HDAC9: variants seen among roughly 807,000 people sequenced by gnomAD.
HDAC9 encodes histone deacetylase 9.
In HDAC9, 41 loss-of-function variants were observed where a neutral mutation model predicts 139.4. That is an observed-to-expected ratio of 0.29 (90% CI 0.23 to 0.38). The LOEUF (loss-of-function observed/expected upper bound fraction) is 0.38, where lower values mean the gene tolerates loss of function less well. Ranked by LOEUF, HDAC9 falls within the 10% of genes least tolerant of loss-of-function variation. HDAC9 has a pLI of 1.00. For synonymous variants in HDAC9, 517 were observed against 476.2 expected (o/e 1.09, Z -1.12); for missense variants, 1,147 against 1,297.0 (o/e 0.88, Z 1.78).
intron 2 of HDAC9, among the ~76,000 whole-genome samples, chr7:18,236,753 G>T (rs938844607): frequency 1.3e-5 from 2 of 152,228 alleles, no homozygotes; most frequent in African/African-American, 4.8e-5. Flanking sequence ...CTGTGGGGGT[G>T]GGGGCGACAA....
chr7:18,242,430 A>G (rs780206837), intron 2 of HDAC9, among the ~76,000 whole-genome samples: 12 of 152,232 alleles, frequency 7.9e-5, no homozygotes, highest in African/African-American at 2.9e-4. Context: ...AAAGCTAGGC[A>G]TATAGAGTTG....
chr7:18,148,364 G>A (rs1786503738), intron 1 of HDAC9, among the ~76,000 whole-genome samples: 1 of 152,146 alleles, frequency 6.6e-6, no homozygotes, highest in Admixed American at 6.5e-5. Flanking sequence ...ATCTTCAGCA[G>A]GACTGAAGAA....
chr7:18,434,205 A>G (rs998791464), intron 1 of HDAC9, among the ~76,000 whole-genome samples: 18 of 152,240 alleles, frequency 1.2e-4, no homozygotes, highest in African/African-American at 3.9e-4. Context: ...GGAACTAGCT[A>G]TCCGTATGCA....
rs531397998 is a variant in HDAC9, at chr7:18,866,882, C to A, written c.2685-7596C>A. On this transcript the variant is annotated intron_variant, in intron 21 of 25. Transcript: ENST00000686413. ...GGTTCAACTTAAGGACAACACTTGA[C>A]TCAATGTCAGTGCAACCAATTGTTT... 4.6e-5 allele frequency among the ~76,000 whole-genome samples: 7 copies of A among 152,294 alleles called. No homozygotes were observed. The South Asian group carries it at 1.4e-3, about 32-fold the overall frequency.
intron 2 of HDAC9, among the ~76,000 whole-genome samples, chr7:18,213,371 T>C (rs1792085588): frequency 6.6e-6 from 1 of 152,164 alleles, no homozygotes. Context: ...GCTTTACGTG[T>C]AGAAAGATGG....
intron 2 of HDAC9, among the ~76,000 whole-genome samples, chr7:18,172,843 C>T (rs1398624658): frequency 6.6e-6 from 1 of 152,162 alleles, no homozygotes; most frequent in Non-Finnish European, 1.5e-5. Context: ...TCTTCTTTTA[C>T]ATTTGCTGAG....
chr7:18,316,254 C>T (rs1799628365), intron 1 of HDAC9, among the ~76,000 whole-genome samples: 1 of 152,006 alleles, frequency 6.6e-6, no homozygotes. Context: ...AGGTCCTGCA[C>T]AATATGCATA....
intron 19 of HDAC9, among the ~76,000 whole-genome samples, chr7:18,834,076 TAGTCTTAGTAACTGAAACTCTCTG>T (rs1418473731): frequency 6.6e-6 from 1 of 152,216 alleles, no homozygotes; most frequent in African/African-American, 2.4e-5. Flanking sequence ...ATTTCCTGCA[TAGTCTTAGTAACTGAAACTCTCTG>T]AGCCTCAGTT....
At chr7:18,369,687 A>C (rs74911565) in intron 1 of HDAC9, among the ~76,000 whole-genome samples, 1 of 151,988 alleles carries the variant, frequency 6.6e-6, no homozygotes, top group South Asian at 2.1e-4. Flanking sequence ...GATATCTACT[A>C]TTGTTTTTCT....
intron 2 of HDAC9, chr7:18,502,380 A>T (rs1798625392): frequency 6.6e-6 from 1 of 152,196 alleles, no homozygotes; most frequent in Non-Finnish European, 1.5e-5. Flanking sequence ...CTGAGCTGGG[A>T]AGGCAGGATA....
chr7:18,286,492 C>T (rs1797463712), upstream of HDAC9, among the ~76,000 whole-genome samples: 1 of 150,878 alleles, frequency 6.6e-6, no homozygotes, highest in South Asian at 2.1e-4. Context: ...AAGGTGTAAG[C>T]TTATTTTTCA....
chr7:18,835,533 C>A lies in HDAC9; in HGVS notation c.2533C>A (p.Leu845Ile). The change falls in exon 20 of 26, where the codon CTC becomes ATC. Residue 845 changes from leucine to isoleucine, a missense_variant. By Grantham distance (5) the Leu-to-Ile change is conservative. Transcript: ENST00000686413. ...YADPSILYISLHRYDEGNFFP... is the reference protein window; with the variant it reads ...YADPSILYISIHRYDEGNFFP... Reference sequence around the variant, plus strand: ...TGACCCCAGCATCCTGTACATTTCACTCCATCGCTATGATGAAGGGAACTT... The same window carrying A: ...TGACCCCAGCATCCTGTACATTTCAATCCATCGCTATGATGAAGGGAACTT... The A allele has an allele frequency of 1.2e-6, 2 of 1,613,808 alleles. No homozygotes were observed. Among genetic ancestry groups the A allele is most frequent in the Non-Finnish European group, 1.7e-6 (2 of 1,179,706 alleles).
At chr7:18,086,898 C>T (rs993437555), upstream of HDAC9, 1 of 144,836 alleles carries the variant, frequency 6.9e-6, no homozygotes, top group African/African-American at 2.5e-5. Context: ...CCCGAGCCCC[C>T]CCCGCGCGGC....
At chr7:18,187,354 G>T (rs912198828) in intron 2 of HDAC9, among the ~76,000 whole-genome samples, 1 of 152,230 alleles carries the variant, frequency 6.6e-6, no homozygotes, top group Non-Finnish European at 1.5e-5. Context: ...AAGGAGAAAA[G>T]TAGAACTGGG....
intron 2 of HDAC9, among the ~76,000 whole-genome samples, chr7:18,552,928 C>T (rs1817612867): frequency 6.6e-6 from 1 of 152,194 alleles, no homozygotes; most frequent in South Asian, 2.1e-4. Context: ...CTAATATGCA[C>T]AAGCTTGAAA....
chr7:18,583,608 G>T (rs1441797914), intron 2 of HDAC9, among the ~76,000 whole-genome samples: 4 of 151,698 alleles, frequency 2.6e-5, no homozygotes, highest in African/African-American at 9.7e-5. Context: ...GAAAAATTTA[G>T]CTGGTCATGG....
chr7:18,665,571 T>C (rs1794609064), intron 11 of HDAC9, among the ~76,000 whole-genome samples: 1 of 152,186 alleles, frequency 6.6e-6, no homozygotes, highest in Non-Finnish European at 1.5e-5. Context: ...TTCTAATATT[T>C]AATTTCCATT....
At chr7:18,757,095 T>TA (rs1444642068) in intron 14 of HDAC9, among the ~76,000 whole-genome samples, 1 of 152,082 alleles carries the variant, frequency 6.6e-6, no homozygotes, top group Non-Finnish European at 1.5e-5. Context: ...GACAGATAGA[T>TA]AAAAAAATCA....
chr7:18,265,981 A>G (rs1562812220), intron 2 of HDAC9, among the ~76,000 whole-genome samples: 1 of 152,188 alleles, frequency 6.6e-6, no homozygotes, highest in Non-Finnish European at 1.5e-5. Flanking sequence ...GCAATGTAGA[A>G]GCTGACACCA....
Sources: allele counts gnomAD v4.1 joint callset (sites outside exome capture counted in the v4.1 genomes callset), GRCh38; gene constraint gnomAD v4.1.1; transcripts MANE v1.5; gene names NCBI Gene and HGNC (gene_info 2026-07-23, HGNC 2026-07-21).